The following ENOPH1 variants were observed in gnomAD, a reference collection of about 807,000 sequenced individuals.
ENOPH1 encodes enolase-phosphatase E1.
Under a neutral mutation model 31.1 loss-of-function variants are expected in ENOPH1, and 14 were observed. The ratio of observed to expected loss-of-function variants is 0.45; its 90% CI spans 0.30 to 0.70. The LOEUF (loss-of-function observed/expected upper bound fraction) is 0.70, where lower values mean the gene tolerates loss of function less well. Ranked by LOEUF, ENOPH1 falls within the 30% of genes least tolerant of loss-of-function variation. The pLI is 0.09. For missense variants in ENOPH1, 243 were observed against 321.5 expected (o/e 0.76, Z 1.87); for synonymous variants, 127 against 123.2 (o/e 1.03, Z -0.21).
intron 1 of ENOPH1, among the ~76,000 whole-genome samples, chr4:82,446,996 G>A (rs1722212033): frequency 1.4e-5 from 2 of 147,584 alleles, no homozygotes; most frequent in South Asian, 2.2e-4. Context: ...GTGAGCCACC[G>A]CGCCTGGCCA....
At chr4:82,441,334 A>G (rs973113903) in intron 1 of ENOPH1, among the ~76,000 whole-genome samples, 2 of 152,162 alleles carry the variant, frequency 1.3e-5, no homozygotes, top group Admixed American at 6.5e-5. Flanking sequence ...TTATAAAACC[A>G]TCAGGTTGTC....
intron 1 of ENOPH1, among the ~76,000 whole-genome samples, chr4:82,445,820 G>A (rs1431636528): frequency 6.6e-6 from 1 of 152,154 alleles, no homozygotes; most frequent in African/African-American, 2.4e-5. Context: ...TTAGTACAGT[G>A]GCGCATTTTA....
rs190084418 is a variant in ENOPH1, at chr4:82,445,958, G to C, written c.85-1962G>C. ...TTTATTTCCTTGAGTTCTCTGAGAA[G>C]AGTGGCTTCATAACTCCAGTGTCCT... On this transcript the variant is annotated intron_variant, in intron 1 of 5. Coordinates refer to ENST00000273920, the MANE Select transcript of ENOPH1 (RefSeq NM_021204.5). Among the ~76,000 whole-genome samples, 34 of 152,314 alleles carry C rather than the reference G, an allele frequency of 2.2e-4. No individual in the cohort carries two copies. The East Asian group carries it at 3.1e-3, about 14-fold the overall frequency.
intron 4 of ENOPH1, 54 bp downstream of exon 4, chr4:82,454,908 G>A: frequency 1.3e-6 from 2 of 1,524,782 alleles, no homozygotes; most frequent in Non-Finnish European, 1.8e-6. Context: ...ATAAAATAAT[G>A]AATCTTAATG....
chr4:82,443,407 G>A (rs978766730), intron 1 of ENOPH1, among the ~76,000 whole-genome samples: 20 of 144,112 alleles, frequency 1.4e-4, no homozygotes, highest in African/African-American at 5.3e-4. Context: ...ACTGCACTCC[G>A]TCCAAAAAAA....
Position 82,460,853 on chromosome 4 carries a change from A to G in ENOPH1, c.*733A>G, listed in dbSNP as rs1722628274. The G allele has an allele frequency of 6.6e-6, 1 of 152,260 alleles. No homozygotes were observed. The highest frequency in any genetic ancestry group is 1.5e-5 in the Non-Finnish European group (1 of 68,050). The allele number at this position is 152,260 out of a possible 1,614,324, so 9.4% of individuals were successfully genotyped here. On this transcript the variant is annotated 3_prime_UTR_variant, in exon 6 of 6. Coordinates refer to ENST00000273920, the MANE Select transcript of ENOPH1 (RefSeq NM_021204.5). ...CACGTGTTATCATTATAGATTTTAT[A>G]GTTGCCTTTCTAACTACTTAGCACA...
intron 3 of ENOPH1, among the ~76,000 whole-genome samples, chr4:82,452,361 T>C (rs767179919): frequency 6.6e-6 from 1 of 152,210 alleles, no homozygotes; most frequent in South Asian, 2.1e-4. Flanking sequence ...CAGGCTGGAG[T>C]GCAGTGGCGC....
At chr4:82,439,516 A>C (rs1387809340) in intron 1 of ENOPH1, among the ~76,000 whole-genome samples, 6 of 152,268 alleles carry the variant, frequency 3.9e-5, no homozygotes. Flanking sequence ...TGATGGGGGT[A>C]AAGAGTGGGA....
chr4:82,460,308 C>T lies in ENOPH1; in HGVS notation c.*188C>T, dbSNP rs1722613650. ...GTGAAAGAAGTCTCAGTTCAGTGAA[C>T]ACAAAACTTATTTAAAGATGCTTTA... is the stretch of plus-strand genomic sequence containing the variant. On this transcript the variant is annotated 3_prime_UTR_variant, in exon 6 of 6. Transcript: ENST00000273920. The T allele has an allele frequency of 3.9e-6, 2 of 509,578 alleles. No individual in the cohort carries two copies. The allele number at this position is 509,578 out of a possible 1,614,324, so 31.6% of individuals were successfully genotyped here. A position where few individuals can be genotyped will look rare whatever the true frequency, so the allele number is the denominator to read the frequency against.
At chr4:82,457,586 TC>T (rs1722524168) in intron 5 of ENOPH1, among the ~76,000 whole-genome samples, 1 of 152,154 alleles carries the variant, frequency 6.6e-6, no homozygotes, top group South Asian at 2.1e-4. Context: ...CTCGTTTAAC[TC>T]CTTGTCCGTG....
intron 4 of ENOPH1, among the ~76,000 whole-genome samples, chr4:82,455,759 C>G (rs1375461232): frequency 6.6e-6 from 1 of 151,488 alleles, no homozygotes; most frequent in African/African-American, 2.4e-5. Context: ...GCACTCCAGC[C>G]TGGGCGATAG....
intron 4 of ENOPH1, 116 bp downstream of exon 4, chr4:82,454,970 T>C: frequency 1.0e-6 from 1 of 954,206 alleles, no homozygotes; most frequent in East Asian, 2.5e-5. Context: ...TTGTTTAAAA[T>C]TAGGTAAGAA....
intron 1 of ENOPH1, among the ~76,000 whole-genome samples, chr4:82,446,721 A>G (rs1298589991): frequency 1.1e-3 from 86 of 77,218 alleles, no homozygotes; most frequent in African/African-American, 4.1e-3. Context: ...TTTTTTTGAG[A>G]CGGAGTCTCG....
intron 3 of ENOPH1, among the ~76,000 whole-genome samples, chr4:82,453,541 A>G (rs371290906): frequency 5.9e-5 from 9 of 152,212 alleles, no homozygotes; most frequent in African/African-American, 2.2e-4. Flanking sequence ...ATGAGTGCAA[A>G]CTAGTACTCA....
intron 2 of ENOPH1, among the ~76,000 whole-genome samples, chr4:82,449,938 C>A (rs1722304683): frequency 6.6e-6 from 1 of 152,162 alleles, no homozygotes; most frequent in African/African-American, 2.4e-5. Context: ...TCTTTTCCTT[C>A]CACATTGTGT....
intron 1 of ENOPH1, among the ~76,000 whole-genome samples, chr4:82,444,234 T>TG (rs1351073656): frequency 6.6e-6 from 1 of 151,910 alleles, no homozygotes; most frequent in East Asian, 1.9e-4. Context: ...TCTTTTTTTT[T>TG]TTTTTGAGAC....
chr4:82,439,682 C>T (rs1352810474), intron 1 of ENOPH1, among the ~76,000 whole-genome samples: 1 of 152,180 alleles, frequency 6.6e-6, no homozygotes, highest in Non-Finnish European at 1.5e-5. Flanking sequence ...GCACCAATTT[C>T]ACAGGGTTAT....
intron 1 of ENOPH1, among the ~76,000 whole-genome samples, chr4:82,439,234 T>A (rs1373502106): frequency 4.6e-5 from 7 of 152,232 alleles, no homozygotes; most frequent in Admixed American, 1.3e-4. Flanking sequence ...TGATTTTCTT[T>A]CCAGTGATTC....
intron 1 of ENOPH1, among the ~76,000 whole-genome samples, chr4:82,444,224 T>A (rs1722121602): frequency 6.7e-6 from 1 of 149,478 alleles, no homozygotes; most frequent in Non-Finnish European, 1.5e-5. Flanking sequence ...TCAGCACTAT[T>A]CTTTTTTTTT....
Sources: allele counts gnomAD v4.1 joint callset (sites outside exome capture counted in the v4.1 genomes callset), GRCh38; gene constraint gnomAD v4.1.1; transcripts MANE v1.5; gene names NCBI Gene and HGNC (gene_info 2026-07-23, HGNC 2026-07-21).